MPDZ: variants seen among roughly 807,000 people sequenced by gnomAD.
MPDZ encodes the protein multiple PDZ domain crumbs cell polarity complex component.
MPDZ carries 234 observed loss-of-function variants against 239.1 expected under a neutral mutation model. The observed-to-expected ratio is 0.98, with a 90% confidence interval of 0.88 to 1.09. The LOEUF (loss-of-function observed/expected upper bound fraction) is 1.09, where lower values mean the gene tolerates loss of function less well. Ranked by LOEUF, MPDZ falls within the 50% of genes least tolerant of loss-of-function variation. The pLI is 0.00. For synonymous variants in MPDZ, 1,048 were observed against 881.3 expected, an observed-to-expected ratio of 1.19 and a Z score of -3.35; for missense variants, 3,175 against 2,510.0, an observed-to-expected ratio of 1.26 and a Z score of -5.66.
Position 13,136,738 on chromosome 9 carries a change from AG to A in MPDZ, c.4265del (p.Pro1422LeufsTer4). The part of the protein sequence containing the change: ...QNASSIIKCA[P>X]SKVKIIFIRN... ...TGATAAAAATTATTTTCACTTTAGA[AG>A]GGGCACATTTAATGATTGATGAGGC... On this transcript the variant is annotated frameshift_variant, in exon 30 of 47. Transcript: ENST00000319217. LOFTEE classifies it high-confidence loss of function. The A allele has an allele frequency of 1.9e-6, 3 of 1,599,016 alleles. No homozygotes were observed. Among genetic ancestry groups the A allele is most frequent in the Non-Finnish European group, 2.6e-6 (3 of 1,170,574 alleles).
rs1211838644 is a variant in MPDZ, at chr9:13,110,642, T to C, written c.5823A>G (p.Glu1941=). The change falls in exon 44 of 47, where the codon GAA becomes GAG. Residue 1941 remains glutamate (E), a synonymous_variant. Transcript: ENST00000319217. ...NLLKNASGSI[E]MQVVAGGDVS... ...CTTGGGATAAAAATCTTACCTGCAT[T>C]TCAATGGAGCCAGATGCATTTTTCA... 2 of 1,613,020 alleles carry C rather than the reference T, an allele frequency of 1.2e-6. No homozygotes were observed. The highest frequency in any genetic ancestry group is 1.7e-6 in the Non-Finnish European group (2 of 1,179,246).
At chr9:13,167,281 G>T (rs1245995678) in intron 22 of MPDZ, among the ~76,000 whole-genome samples, 1 of 152,090 alleles carries the variant, frequency 6.6e-6, no homozygotes, top group Non-Finnish European at 1.5e-5. Flanking sequence ...TTAAGGAACA[G>T]TAATATGATC....
At chr9:13,144,585 C>A (rs1013076935) in intron 26 of MPDZ, among the ~76,000 whole-genome samples, 1 of 152,054 alleles carries the variant, frequency 6.6e-6, no homozygotes, top group Non-Finnish European at 1.5e-5. Flanking sequence ...GCCCCACTGG[C>A]AGGCATCAAG....
chr9:13,148,341 T>C (rs1016725030), intron 25 of MPDZ, among the ~76,000 whole-genome samples: 1 of 152,054 alleles, frequency 6.6e-6, no homozygotes, highest in Non-Finnish European at 1.5e-5. Context: ...AGAAGGAAAA[T>C]AGTTTAAAAG....
rs1365764299 is a variant in MPDZ at position 13,110,631 on chromosome 9, C to T, written c.5829+5G>A. ...TCTGAATTATGCTTGGGATAAAAATCTTACCTGCATTTCAATGGAGCCAGA... is the reference window on the plus strand; with the variant it reads ...TCTGAATTATGCTTGGGATAAAAATTTTACCTGCATTTCAATGGAGCCAGA... On this transcript the variant is annotated splice_donor_5th_base_variant and intron_variant, in intron 44 of 46. Coordinates refer to ENST00000319217, the MANE Select transcript of MPDZ (RefSeq NM_001378778.1). 1 of 1,610,912 alleles carries T rather than the reference C, an allele frequency of 6.2e-7. No homozygotes were observed. Among genetic ancestry groups the T allele is most frequent in the East Asian group, 2.2e-5 (1 of 44,848 alleles).
At position 13,106,118 on chromosome 9, in the gene MPDZ, G is replaced by A. The variant is rs990454992; in HGVS notation, c.*847C>T. ...ACTAACACATTTTTAATGTTGCATC[G>A]GTTGTTAAAACCAGCACTAAAGATT... On this transcript the variant is annotated 3_prime_UTR_variant, in exon 47 of 47. Coordinates refer to ENST00000319217, the MANE Select transcript of MPDZ (RefSeq NM_001378778.1). 1.3e-5 allele frequency: 2 copies of A among 151,966 alleles called. No homozygotes were observed. Among genetic ancestry groups the A allele is most frequent in the Non-Finnish European group, 2.9e-5 (2 of 67,978 alleles). The allele number at this position is 151,966 out of a possible 1,614,324, so 9.4% of individuals were successfully genotyped here.
chr9:13,235,667 C>T lies in MPDZ; in HGVS notation c.184-11084G>A, dbSNP rs925547531. Among the ~76,000 whole-genome samples, 5 of 152,112 alleles carry T rather than the reference C, an allele frequency of 3.3e-5. 1 individual carries two copies. The South Asian group carries it at 1.0e-3, about 32-fold the overall frequency. ...GATAAATTTAAAAGATAAGGGTATT[C>T]AATTTAGAAAATAAGTCCTTAACCC... On this transcript the variant is annotated intron_variant, in intron 3 of 46. Coordinates refer to ENST00000319217, the MANE Select transcript of MPDZ (RefSeq NM_001378778.1).
chr9:13,243,670 A>C (rs1036813423), intron 3 of MPDZ, among the ~76,000 whole-genome samples: 5 of 152,338 alleles, frequency 3.3e-5, no homozygotes, highest in Middle Eastern at 3.4e-3. Flanking sequence ...AGTAATTTTC[A>C]ACCCTGATCC....
chr9:13,279,120 G>A (rs924660348), intron 1 of MPDZ: 1 of 151,816 alleles, frequency 6.6e-6, no homozygotes, highest in African/African-American at 2.4e-5. Flanking sequence ...GTGGAGACTT[G>A]CGAGTAGCAA....
chr9:13,217,368 CA>C lies in MPDZ; in HGVS notation c.1087-75del, dbSNP rs1202106215. 2.2e-5 allele frequency: 21 copies of C among 950,964 alleles called. No individual in the cohort carries two copies. The East Asian group carries it at 3.3e-4, about 15-fold the overall frequency. 58.9% of individuals were successfully genotyped at this position (950,964 alleles called of 1,614,324 possible). A position where few individuals can be genotyped will look rare whatever the true frequency, so the allele number is the denominator to read the frequency against. On this transcript the variant is annotated intron_variant, in intron 8 of 46. Coordinates refer to ENST00000319217, the MANE Select transcript of MPDZ (RefSeq NM_001378778.1). Reference sequence around the variant, plus strand: ...AAAAAACAAAAAACAAACAAACAAACAAAAAAACCATGATAAAATAAAGCCA... The same window carrying C: ...AAAAAACAAAAAACAAACAAACAAACAAAAAACCATGATAAAATAAAGCCA...
At chr9:13,186,662 A>T (rs768271746) in intron 17 of MPDZ, among the ~76,000 whole-genome samples, 2 of 152,014 alleles carry the variant, frequency 1.3e-5, no homozygotes, top group Non-Finnish European at 2.9e-5. Flanking sequence ...CATTCTTCTT[A>T]TAAGAATTTT....
intron 32 of MPDZ, among the ~76,000 whole-genome samples, chr9:13,127,879 T>C (rs1302082077): frequency 6.6e-6 from 1 of 152,252 alleles, no homozygotes; most frequent in Non-Finnish European, 1.5e-5. Context: ...TTAACATCTC[T>C]AATTCTCAAT....
chr9:13,233,133 C>G (rs1391622828), intron 3 of MPDZ, among the ~76,000 whole-genome samples: 1 of 152,064 alleles, frequency 6.6e-6, no homozygotes, highest in African/African-American at 2.4e-5. Context: ...CTTTGGAAAA[C>G]AGTTTGGCAG....
intron 24 of MPDZ, among the ~76,000 whole-genome samples, chr9:13,152,160 A>T (rs1587294427): frequency 6.6e-6 from 1 of 152,094 alleles, no homozygotes; most frequent in Admixed American, 6.6e-5. Flanking sequence ...TATGTCACAA[A>T]CCCACCTCTG....
chr9:13,205,421 C>T (rs1021228201), intron 11 of MPDZ, among the ~76,000 whole-genome samples: 6 of 152,132 alleles, frequency 3.9e-5, no homozygotes, highest in Non-Finnish European at 5.9e-5. Flanking sequence ...CCCTGAGCTA[C>T]ACAGGGGTTT....
intron 10 of MPDZ, among the ~76,000 whole-genome samples, chr9:13,212,902 T>G (rs1957808309): frequency 6.6e-6 from 1 of 151,562 alleles, no homozygotes; most frequent in Non-Finnish European, 1.5e-5. Flanking sequence ...TTGGAACAAC[T>G]TACAAAATCT....
At chr9:13,111,054 T>C (rs1442301448) in intron 43 of MPDZ, among the ~76,000 whole-genome samples, 4 of 152,208 alleles carry the variant, frequency 2.6e-5, no homozygotes, top group East Asian at 3.8e-4. Flanking sequence ...TTCACTATCA[T>C]TTGGAAACTG....
intron 25 of MPDZ, among the ~76,000 whole-genome samples, chr9:13,149,215 T>C (rs1948832988): frequency 6.6e-6 from 1 of 151,948 alleles, no homozygotes; most frequent in Admixed American, 6.6e-5. Flanking sequence ...ACATGGTCCC[T>C]GTTTTCGCTC....
chr9:13,257,087 G>A (rs1373376584), intron 1 of MPDZ, among the ~76,000 whole-genome samples: 8 of 152,148 alleles, frequency 5.3e-5, no homozygotes, highest in Non-Finnish European at 1.2e-4. Context: ...CCCTCTAGCT[G>A]CTGTTCATGT....
Sources: gnomAD v4.1 joint callset for allele counts (sites outside exome capture counted in the v4.1 genomes callset) on GRCh38, gnomAD v4.1.1 for gene constraint, MANE v1.5 for transcripts, NCBI Gene and HGNC (gene_info 2026-07-23, HGNC 2026-07-21) for gene names.